The following PPM1E variants were observed in gnomAD, a reference collection of about 807,000 sequenced individuals.
The protein encoded by PPM1E is protein phosphatase 1E.
PPM1E carries 20 observed loss-of-function variants against 65.9 expected under a neutral mutation model. That is an observed-to-expected ratio of 0.30 (90% confidence interval 0.21 to 0.44). The LOEUF is 0.44. Among genes scored for constraint, PPM1E ranks in the 20% least tolerant of loss-of-function variants. The pLI, the probability that PPM1E is intolerant of heterozygous loss-of-function variation, is 1.00. For missense variants in PPM1E, 713 were observed against 953.1 expected, an observed-to-expected ratio of 0.75 and a Z score of 3.32; for synonymous variants, 352 against 374.9, an observed-to-expected ratio of 0.94 and a Z score of 0.70.
At chr17:58,895,848 G>T (rs1203354770) in intron 1 of PPM1E, among the ~76,000 whole-genome samples, 1 of 150,822 alleles carries the variant, frequency 6.6e-6, no homozygotes, top group Non-Finnish European at 1.5e-5. Context: ...GCTCACGCCT[G>T]TAATCCCAGC....
intron 2 of PPM1E, among the ~76,000 whole-genome samples, chr17:58,962,567 A>C (rs2030066272): frequency 6.6e-6 from 1 of 152,188 alleles, no homozygotes; most frequent in Non-Finnish European, 1.5e-5. Flanking sequence ...ACTGCTGCAG[A>C]GACCAGATAG....
chr17:58,780,877 T>C (rs904348981), intron 1 of PPM1E, among the ~76,000 whole-genome samples: 46 of 152,190 alleles, frequency 3.0e-4, no homozygotes, highest in African/African-American at 1.0e-3. Flanking sequence ...ATTGGGAATT[T>C]TTGTATTGGA....
chr17:58,929,563 GGATT>G (rs1318969083), intron 1 of PPM1E, among the ~76,000 whole-genome samples: 1 of 152,090 alleles, frequency 6.6e-6, no homozygotes, highest in Non-Finnish European at 1.5e-5. Flanking sequence ...ATGCACTGAT[GGATT>G]GATCAATAGA....
intron 1 of PPM1E, among the ~76,000 whole-genome samples, chr17:58,854,381 C>T (rs1208052733): frequency 6.6e-6 from 1 of 152,068 alleles, no homozygotes; most frequent in African/African-American, 2.4e-5. Context: ...TTTTTCCTTG[C>T]CAATTTGGAT....
intron 6 of PPM1E, 61 bp from the exon 7 acceptor site, chr17:58,979,913 C>T (rs1175079728): frequency 1.3e-5 from 18 of 1,351,160 alleles, no homozygotes; most frequent in East Asian, 7.0e-5. Flanking sequence ...TGGTCATAAA[C>T]GTTCTTAGCA....
At position 58,767,636 on chromosome 17, in the gene PPM1E, A is replaced by ATTAT. The variant is rs1269999606; in HGVS notation, c.464+11194_464+11197dup. On this transcript the variant is annotated intron_variant, in intron 1 of 6. Coordinates refer to ENST00000308249, the MANE Select transcript of PPM1E (RefSeq NM_014906.5). Reference sequence around the variant, plus strand: ...GAACTTACTATGGTTCTCTTTTAAAATTATTTATTTATTTATTTATTTGGA... The same window carrying ATTAT: ...GAACTTACTATGGTTCTCTTTTAAAATTATTTATTTATTTATTTATTTATTTGGA... 5.9e-5 allele frequency among the ~76,000 whole-genome samples: 9 copies of ATTAT among 151,962 alleles called. No homozygotes were observed. The South Asian group carries it at 6.2e-4, about 11-fold the overall frequency.
At chr17:58,899,508 T>C in intron 1 of PPM1E, 1 of 232,816 alleles carries the variant, frequency 4.3e-6, no homozygotes, top group South Asian at 6.9e-5. Context: ...CCCTTAGTGC[T>C]TAACACCGTA....
chr17:58,775,351 T>A (rs900725869), intron 1 of PPM1E, among the ~76,000 whole-genome samples: 2 of 152,108 alleles, frequency 1.3e-5, no homozygotes, highest in African/African-American at 4.8e-5. Context: ...TTTACACAAC[T>A]GATAAGTAGC....
At chr17:58,843,105 G>A (rs989528366) in intron 1 of PPM1E, among the ~76,000 whole-genome samples, 8 of 151,922 alleles carry the variant, frequency 5.3e-5, no homozygotes, top group East Asian at 1.9e-4. Context: ...GCTACATGGC[G>A]AAACCTTGTC....
At chr17:58,920,185 G>A (rs907715709) in intron 1 of PPM1E, among the ~76,000 whole-genome samples, 1 of 152,120 alleles carries the variant, frequency 6.6e-6, no homozygotes, top group Non-Finnish European at 1.5e-5. Context: ...TGGAAAATGA[G>A]TTTTAGCACT....
chr17:58,884,005 T>C lies in PPM1E; in HGVS notation c.465-71644T>C, dbSNP rs144673289. 1.1e-4 allele frequency among the ~76,000 whole-genome samples: 17 copies of C among 152,278 alleles called. No homozygotes were observed. In the East Asian group the frequency reaches 1.4e-3, roughly 12 times the overall value. Reference sequence around the variant, plus strand: ...TCGAATCGGGGAAGAGGGCTTCTGATCTTAGAATTCAGCATTCATCTGTGC... The same window carrying C: ...TCGAATCGGGGAAGAGGGCTTCTGACCTTAGAATTCAGCATTCATCTGTGC... On this transcript the variant is annotated intron_variant, in intron 1 of 6. Coordinates refer to ENST00000308249, the MANE Select transcript of PPM1E (RefSeq NM_014906.5).
intron 1 of PPM1E, among the ~76,000 whole-genome samples, chr17:58,935,681 T>C (rs1169518700): frequency 6.6e-6 from 1 of 152,174 alleles, no homozygotes; most frequent in Non-Finnish European, 1.5e-5. Context: ...CTTTGGTAAA[T>C]TTGTAACATC....
intron 1 of PPM1E, among the ~76,000 whole-genome samples, chr17:58,890,737 C>T (rs2051334978): frequency 6.6e-6 from 1 of 152,120 alleles, no homozygotes; most frequent in Admixed American, 6.5e-5. Flanking sequence ...ATTCAGCTCC[C>T]AGCTTGGATG....
chr17:58,805,978 AAAAAAAC>A (rs2050307148), intron 1 of PPM1E, among the ~76,000 whole-genome samples: 16 of 109,166 alleles, frequency 1.5e-4, no homozygotes, highest in South Asian at 3.4e-4. Flanking sequence ...AAAAAACAAA[AAAAAAAC>A]AAAACAAAAC....
chr17:58,840,530 G>A (rs911894576), intron 1 of PPM1E, among the ~76,000 whole-genome samples: 49 of 152,120 alleles, frequency 3.2e-4, no homozygotes, highest in African/African-American at 1.1e-3. Context: ...TTCAGTAAGA[G>A]TAACCAGGAC....
chr17:58,868,049 G>A (rs1189348468), intron 1 of PPM1E, among the ~76,000 whole-genome samples: 1 of 152,144 alleles, frequency 6.6e-6, no homozygotes, highest in Non-Finnish European at 1.5e-5. Context: ...TGTGTTTGGG[G>A]CCAGGCGCAG....
intron 1 of PPM1E, among the ~76,000 whole-genome samples, chr17:58,925,715 C>T (rs1377115197): frequency 2.6e-5 from 4 of 152,088 alleles, no homozygotes; most frequent in African/African-American, 9.7e-5. Flanking sequence ...ACTGGGATTA[C>T]AGGCGTGGGG....
intron 1 of PPM1E, among the ~76,000 whole-genome samples, chr17:58,811,322 A>G (rs536322473): frequency 3.9e-5 from 6 of 152,300 alleles, no homozygotes; most frequent in East Asian, 1.9e-4. Context: ...TAATATTTTT[A>G]TTTAATTCAT....
intron 1 of PPM1E, among the ~76,000 whole-genome samples, chr17:58,790,274 G>A (rs2050144435): frequency 6.6e-6 from 1 of 151,918 alleles, no homozygotes. Flanking sequence ...ATGTTGCCCA[G>A]GCTGATCTGG....
Sources: allele counts gnomAD v4.1 joint callset (sites outside exome capture counted in the v4.1 genomes callset), GRCh38; gene constraint gnomAD v4.1.1; transcripts MANE v1.5; gene names NCBI Gene and HGNC (gene_info 2026-07-23, HGNC 2026-07-21).